CERS6: variants seen among roughly 807,000 people sequenced by gnomAD.
CERS6 encodes LAG1 homolog, ceramide synthase 6.
CERS6 carries 26 observed loss-of-function variants against 56.8 expected under a neutral mutation model. The observed-to-expected ratio is 0.46, with a 90% CI of 0.34 to 0.63. The LOEUF is 0.63. Ranked by LOEUF, CERS6 falls within the 30% of genes least tolerant of loss-of-function variation. CERS6 has a pLI of 0.01. For missense variants in CERS6, 415 were observed against 467.5 expected, an observed-to-expected ratio of 0.89 and a Z score of 1.04; for synonymous variants, 164 against 173.3, an observed-to-expected ratio of 0.95 and a Z score of 0.42.
At chr2:168,538,215 C>A (rs1695300332) in intron 1 of CERS6, among the ~76,000 whole-genome samples, 1 of 148,800 alleles carries the variant, frequency 6.7e-6, no homozygotes. Context: ...CCTGAAGAAG[C>A]TTCCTACCTC....
chr2:168,654,847 A>G (rs187003117), intron 4 of CERS6, among the ~76,000 whole-genome samples: 1 of 152,358 alleles, frequency 6.6e-6, no homozygotes, highest in Admixed American at 6.5e-5. Flanking sequence ...GATAATCTCA[A>G]GAACACTGTA....
At chr2:168,546,554 C>T (rs115077468) in intron 1 of CERS6, among the ~76,000 whole-genome samples, 2,231 of 152,252 alleles carry the variant, frequency 0.015, 54 homozygotes, top group African/African-American at 0.051. Flanking sequence ...ACTTTAAAAA[C>T]AAAAACCTTT....
chr2:168,623,650 C>T (rs1447437057), intron 3 of CERS6, among the ~76,000 whole-genome samples: 1 of 152,182 alleles, frequency 6.6e-6, no homozygotes, highest in Non-Finnish European at 1.5e-5. Context: ...TTTCACCAAT[C>T]TACCTAAACA....
chr2:168,721,902 G>A (rs59242374), intron 8 of CERS6, among the ~76,000 whole-genome samples: 2,049 of 152,204 alleles, frequency 0.013, 55 homozygotes, highest in African/African-American at 0.047. Flanking sequence ...TTACAGGTAT[G>A]AGCCAATGCA....
intron 4 of CERS6, among the ~76,000 whole-genome samples, chr2:168,677,926 A>G (rs761986691): frequency 5.9e-5 from 9 of 152,252 alleles, no homozygotes; most frequent in Non-Finnish European, 1.2e-4. Flanking sequence ...TTATGCAGCC[A>G]ACAAACATAT....
intron 6 of CERS6, among the ~76,000 whole-genome samples, chr2:168,701,265 T>TTAA (rs1462096801): frequency 6.6e-6 from 1 of 152,238 alleles, no homozygotes; most frequent in Non-Finnish European, 1.5e-5. Context: ...GGCACAGATG[T>TTAA]TAATAATAAT....
chr2:168,484,616 C>T (rs1694242658), intron 1 of CERS6, among the ~76,000 whole-genome samples: 1 of 152,148 alleles, frequency 6.6e-6, no homozygotes, highest in Non-Finnish European at 1.5e-5. Flanking sequence ...TGTTTAACAG[C>T]TGGAAATGCT....
intron 3 of CERS6, among the ~76,000 whole-genome samples, chr2:168,584,799 C>T (rs1056455562): frequency 6.6e-5 from 10 of 152,106 alleles, no homozygotes; most frequent in Non-Finnish European, 1.5e-4. Flanking sequence ...AAAATGGCTG[C>T]AAGAAATTGT....
intron 8 of CERS6, 107 bp from the exon 9 acceptor site, chr2:168,765,485 G>A: frequency 2.7e-6 from 3 of 1,108,468 alleles, no homozygotes; most frequent in South Asian, 4.1e-5. Flanking sequence ...CCAGAGAGGG[G>A]GTAGTTGGGA....
intron 1 of CERS6, among the ~76,000 whole-genome samples, chr2:168,489,673 G>T (rs941609539): frequency 2.0e-5 from 3 of 151,728 alleles, no homozygotes; most frequent in African/African-American, 7.3e-5. Context: ...GCTATCCCAT[G>T]AATTTATTTC....
rs142179813 is a variant in CERS6 at position 168,501,395 on chromosome 2, G to C, written c.170+44777G>C. Reference sequence around the variant, plus strand: ...TCAAGTATACATAGTCAATAGGTTGGAGGTCGTGATGCTGCAGTTTTTGGC... The same window carrying C: ...TCAAGTATACATAGTCAATAGGTTGCAGGTCGTGATGCTGCAGTTTTTGGC... On this transcript the variant is annotated intron_variant, in intron 1 of 9. Transcript: ENST00000305747. Among the ~76,000 whole-genome samples, 57 of 152,326 alleles carry C rather than the reference G, an allele frequency of 3.7e-4. No homozygotes were observed. The Middle Eastern group carries it at 0.01, about 27-fold the overall frequency.
intron 9 of CERS6, among the ~76,000 whole-genome samples, chr2:168,766,780 A>G (rs913008996): frequency 3.3e-5 from 5 of 152,216 alleles, no homozygotes; most frequent in Non-Finnish European, 5.9e-5. Flanking sequence ...GCCTGGGGCC[A>G]TATGGCAGCA....
At chr2:168,722,431 T>A (rs1683210320) in intron 8 of CERS6, among the ~76,000 whole-genome samples, 1 of 152,190 alleles carries the variant, frequency 6.6e-6, no homozygotes, top group African/African-American at 2.4e-5. Context: ...CATTTAGGCC[T>A]ATGCTGTGTT....
intron 3 of CERS6, among the ~76,000 whole-genome samples, chr2:168,627,596 G>A (rs1684618479): frequency 1.4e-5 from 2 of 147,396 alleles, no homozygotes; most frequent in South Asian, 2.1e-4. Context: ...TGATTTGTGT[G>A]TGTTGACTTG....
chr2:168,470,822 T>C (rs1361257223), intron 1 of CERS6, among the ~76,000 whole-genome samples: 1 of 152,184 alleles, frequency 6.6e-6, no homozygotes, highest in Non-Finnish European at 1.5e-5. Flanking sequence ...AGTTTTACAA[T>C]GTGTGAAGCT....
rs369521410 is a variant in CERS6 at position 168,569,477 on chromosome 2, G to A, written c.407+8155G>A. 1.4e-4 allele frequency among the ~76,000 whole-genome samples: 21 copies of A among 152,330 alleles called. No homozygotes were observed. In the East Asian group the frequency reaches 3.5e-3, roughly 25 times the overall value. Reference sequence around the variant, plus strand: ...TGCCGGATGCGTGTGGCTCATAACTGGTGTGACTAAGGTAGCTTGGACATA... The same window carrying A: ...TGCCGGATGCGTGTGGCTCATAACTAGTGTGACTAAGGTAGCTTGGACATA... On this transcript the variant is annotated intron_variant, in intron 3 of 9. Transcript: ENST00000305747.
chr2:168,706,144 G>A (rs1206966010), intron 6 of CERS6, among the ~76,000 whole-genome samples: 2 of 152,194 alleles, frequency 1.3e-5, no homozygotes, highest in Non-Finnish European at 2.9e-5. Flanking sequence ...TGAAAGCAGA[G>A]TGTATTTGGA....
intron 6 of CERS6, among the ~76,000 whole-genome samples, chr2:168,709,792 C>T (rs1410008976): frequency 1.3e-5 from 2 of 152,136 alleles, no homozygotes; most frequent in African/African-American, 2.4e-5. Flanking sequence ...TGGAAGTTTT[C>T]CACCCTGCAT....
intron 4 of CERS6, among the ~76,000 whole-genome samples, chr2:168,643,110 C>A (rs1411042187): frequency 6.6e-6 from 1 of 152,218 alleles, no homozygotes; most frequent in African/African-American, 2.4e-5. Context: ...TCACTGCTAT[C>A]TGAAGCATGA....
Sources: allele counts gnomAD v4.1 joint callset (sites outside exome capture counted in the v4.1 genomes callset), GRCh38; gene constraint gnomAD v4.1.1; transcripts MANE v1.5; gene names NCBI Gene and HGNC (gene_info 2026-07-23, HGNC 2026-07-21).